Variants in ATP7B observed in about 807,000 individuals in gnomAD.
The protein encoded by ATP7B is ATPase copper transporting beta, also known as copper-transporting ATPase 2.
A neutral mutation model predicts 118.9 loss-of-function variants in ATP7B; 113 were observed. That is an observed-to-expected ratio of 0.95 (90% CI 0.82 to 1.11). ATP7B has a LOEUF of 1.11. Ranked by LOEUF, ATP7B falls within the 50% of genes most tolerant of loss-of-function variation. The pLI, the probability that ATP7B is intolerant of heterozygous loss-of-function variation, is 0.00. For synonymous variants in ATP7B, 777 were observed against 727.4 expected (o/e 1.07, Z -1.10); for missense variants, 1,867 against 1,871.4 (o/e 1.00, Z 0.04).
At chr13:51,962,211 T>C (rs1958797514) in intron 5 of ATP7B, among the ~76,000 whole-genome samples, 1 of 152,182 alleles carries the variant, frequency 6.6e-6, no homozygotes, top group Admixed American at 6.5e-5. Flanking sequence ...TGGTCAGAAA[T>C]CTTCATTCCA....
chr13:51,958,428 G>T lies in ATP7B; in HGVS notation c.2238C>A (p.Val746=). The stretch of plus-strand genomic sequence containing the variant: ...TCTCAGCCACAGCAACCACCAGGAT[G>T]ACCAGAGAATAAACATAAGCAATGC... The part of the protein sequence containing the change: ...ATSIAYVYSL[V]ILVVAVAEKA... Residue 746 remains valine (V), a synonymous_variant, in exon 8 of 21, where the codon GTC becomes GTA. Transcript: ENST00000242839. 1 of 1,614,204 alleles carries T rather than the reference G, an allele frequency of 6.2e-7. No individual in the cohort carries two copies. Among genetic ancestry groups the T allele is most frequent in the South Asian group, 1.1e-5 (1 of 91,054 alleles).
chr13:51,935,227 C>G (rs1193115478), intron 20 of ATP7B, among the ~76,000 whole-genome samples, 198 bp from the exon 21 acceptor site: 1 of 152,200 alleles, frequency 6.6e-6, no homozygotes, highest in African/African-American at 2.4e-5. Flanking sequence ...TAAGCAAATG[C>G]CTTGCACATT....
rs1261463105 is a variant in ATP7B at position 51,937,459 on chromosome 13, G to C, written c.3903+17C>G. Reference sequence around the variant, plus strand: ...TTGCCCTCCCAGCACCCACAGCCTGGCTGCAGCCACGCTCACTCTGATAAG... The same window carrying C: ...TTGCCCTCCCAGCACCCACAGCCTGCCTGCAGCCACGCTCACTCTGATAAG... On this transcript the variant is annotated intron_variant, in intron 18 of 20. Transcript: ENST00000242839. 11 of 1,614,108 alleles carry C rather than the reference G, an allele frequency of 6.8e-6. No homozygotes were observed. The highest frequency in any genetic ancestry group is 8.5e-6 in the Non-Finnish European group (10 of 1,180,020).
chr13:51,962,618 A>C (rs1361625609), intron 5 of ATP7B, among the ~76,000 whole-genome samples: 1 of 152,242 alleles, frequency 6.6e-6, no homozygotes, highest in Admixed American at 6.5e-5. Context: ...AGAGCAGCTG[A>C]GACTGTCTAA....
At chr13:51,949,421 C>A (rs1312582381) in intron 12 of ATP7B, among the ~76,000 whole-genome samples, 1 of 152,122 alleles carries the variant, frequency 6.6e-6, no homozygotes, top group African/African-American at 2.4e-5. Context: ...AACTGAGCAC[C>A]AATTGGTGTC....
In ATP7B at chr13:51,949,607, T is replaced by A. The variant is rs970183444; in HGVS notation, c.2865+55A>T. ...CTAAGATATGAAAGAACAGGATCAA[T>A]GTCAGTAGATTATTTAAAACACAAC... On this transcript the variant is annotated intron_variant, in intron 12 of 20. Transcript: ENST00000242839. 7 of 1,594,324 alleles carry A rather than the reference T, an allele frequency of 4.4e-6. No homozygotes were observed. In the Admixed American group the frequency reaches 1.2e-4, roughly 27 times the overall value.
At chr13:51,944,378 C>A (rs1330862366) in intron 13 of ATP7B, 87 bp from the exon 14 acceptor site, 4 of 1,529,314 alleles carry the variant, frequency 2.6e-6, no homozygotes, top group Non-Finnish European at 3.6e-6. Flanking sequence ...TTCACCCAAC[C>A]TGCCTCAGAC....
intron 13 of ATP7B, 138 bp downstream of exon 13, chr13:51,946,146 C>A: frequency 8.4e-7 from 1 of 1,187,902 alleles, no homozygotes; most frequent in Non-Finnish European, 1.2e-6. Flanking sequence ...GTTGTTATTC[C>A]CAGTTATACT....
chr13:51,990,247 T>C (rs1952844477), intron 1 of ATP7B, among the ~76,000 whole-genome samples: 1 of 152,076 alleles, frequency 6.6e-6, no homozygotes, highest in Admixed American at 6.5e-5. Flanking sequence ...TCAAAAAGTA[T>C]TACTGCTTTT....
At chr13:51,962,361 G>T (rs993516978) in intron 5 of ATP7B, among the ~76,000 whole-genome samples, 1 of 152,204 alleles carries the variant, frequency 6.6e-6, no homozygotes, top group Non-Finnish European at 1.5e-5. Flanking sequence ...GGCTCCTTCA[G>T]CATTTGGAAG....
chr13:51,938,257 G>A (rs528443739), intron 17 of ATP7B, among the ~76,000 whole-genome samples: 8 of 125,062 alleles, frequency 6.4e-5, no homozygotes, highest in Admixed American at 3.2e-4. Flanking sequence ...TCCCTTTCCC[G>A]CTTCTCAGAT....
intron 16 of ATP7B, among the ~76,000 whole-genome samples, chr13:51,940,475 T>C (rs549298727): frequency 1.0e-3 from 158 of 151,078 alleles, no homozygotes; most frequent in African/African-American, 3.4e-3. Context: ...TGAAACCCCG[T>C]CTCTACTAAA....
chr13:51,968,321 A>C lies in ATP7B; in HGVS notation c.1707+123T>G, dbSNP rs560723829. On this transcript the variant is annotated intron_variant, in intron 4 of 20. Transcript: ENST00000242839. The stretch of plus-strand genomic sequence containing the variant: ...TTCAAAGGAAAGTGAAACAAACAAA[A>C]TACCCAACAACAACAAACCAGACAC... The C allele has an allele frequency of 9.1e-6, 13 of 1,436,052 alleles. No homozygotes were observed. In the African/African-American group the frequency reaches 1.8e-4, roughly 20 times the overall value. The allele number at this position is 1,436,052 out of a possible 1,614,324, so 89.0% of individuals were successfully genotyped here.
At chr13:51,941,302 G>T in intron 15 of ATP7B, 78 bp from the exon 16 acceptor site, 1 of 1,544,694 alleles carries the variant, frequency 6.5e-7, no homozygotes, top group Non-Finnish European at 8.9e-7. Context: ...CCTTTTAACA[G>T]CAAAATATCC....
rs1025162388 is a variant in ATP7B at position 51,939,138 on chromosome 13, C to T, written c.3612G>A (p.Leu1204=). The T allele has an allele frequency of 1.2e-6, 2 of 1,614,230 alleles. No individual in the cohort carries two copies. Among genetic ancestry groups the T allele is most frequent in the Non-Finnish European group, 1.7e-6 (2 of 1,180,040 alleles). Residue 1204 remains leucine (L), a synonymous_variant, in exon 17 of 21, where the codon CTG becomes CTA. Transcript: ENST00000242839. ...CCATGCTCTGCAGCGTGTGCACAGC[C>T]AGGGCAGCCTCCTGCTTGACAGCGT... The part of the protein sequence containing the change: ...IADAVKQEAA[L]AVHTLQSMGV...
At position 51,958,556 on chromosome 13, in the gene ATP7B, G is replaced by A; in HGVS notation, c.2122-12C>T. 1 of 1,610,888 alleles carries A rather than the reference G, an allele frequency of 6.2e-7. No individual in the cohort carries two copies. On this transcript the variant is annotated splice_polypyrimidine_tract_variant and intron_variant, in intron 7 of 20. Coordinates refer to ENST00000242839, the MANE Select transcript of ATP7B (RefSeq NM_000053.4). ...CACCCACCGAGGAGCTGAAAGACAA[G>A]GACAGTGAAGGCTGCCAGCAAGTAG...
intron 1 of ATP7B, among the ~76,000 whole-genome samples, chr13:51,984,103 TA>T (rs978571968): frequency 6.6e-6 from 1 of 151,400 alleles, no homozygotes; most frequent in East Asian, 1.9e-4. Context: ...AGGTGGGTAA[TA>T]AAAAAACTCC....
intron 1 of ATP7B, among the ~76,000 whole-genome samples, chr13:52,005,272 CTTTAA>C (rs990309479): frequency 1.2e-4 from 18 of 152,314 alleles, no homozygotes; most frequent in Admixed American, 2.0e-4. Context: ...TAATTTCTGT[CTTTAA>C]TTTGTTTTCT....
At chr13:51,958,811 T>C (rs1003152560) in intron 7 of ATP7B, 10 of 512,660 alleles carry the variant, frequency 2.0e-5, no homozygotes, top group East Asian at 3.6e-5. Context: ...TGGTGAAAAG[T>C]TGGGGAAAAA....
Sources: allele counts gnomAD v4.1 joint callset (sites outside exome capture counted in the v4.1 genomes callset), GRCh38; gene constraint gnomAD v4.1.1; transcripts MANE v1.5; gene names NCBI Gene and HGNC (gene_info 2026-07-23, HGNC 2026-07-21).